The following SGCZ variants were observed in gnomAD, a reference collection of about 807,000 sequenced individuals.
The protein encoded by SGCZ is zeta-sarcoglycan.
Under a neutral mutation model 41.3 loss-of-function variants are expected in SGCZ, and 40 were observed. The observed-to-expected ratio is 0.97, with a 90% CI of 0.75 to 1.26. SGCZ has a LOEUF of 1.26. SGCZ is among the 50% of genes most tolerant of loss of function. The probability of loss-of-function intolerance (pLI) is 0.00; values close to 1 mark genes in which losing one functional copy is unlikely to be tolerated. For missense variants in SGCZ, 552 were observed against 369.8 expected (o/e 1.49, Z -4.04); for synonymous variants, 206 against 137.5 (o/e 1.50, Z -3.49).
chr8:14,612,710 A>AG (rs896844609), intron 1 of SGCZ, among the ~76,000 whole-genome samples: 1 of 151,774 alleles, frequency 6.6e-6, no homozygotes, highest in Admixed American at 6.6e-5. Context: ...TTTTTTTAAA[A>AG]GACTCTCACT....
chr8:14,387,081 T>G (rs1439496393), intron 2 of SGCZ, among the ~76,000 whole-genome samples: 1 of 152,232 alleles, frequency 6.6e-6, no homozygotes, highest in Non-Finnish European at 1.5e-5. Flanking sequence ...TGCTTTTTTA[T>G]AGAGACAGGG....
chr8:14,425,086 T>G (rs983808065), intron 2 of SGCZ, among the ~76,000 whole-genome samples: 1 of 152,144 alleles, frequency 6.6e-6, no homozygotes, highest in Non-Finnish European at 1.5e-5. Context: ...TCGTTATTTT[T>G]TTTCTAATTG....
intron 1 of SGCZ, among the ~76,000 whole-genome samples, chr8:14,873,336 TATC>T (rs1003565669): frequency 6.6e-6 from 1 of 152,138 alleles, no homozygotes; most frequent in African/African-American, 2.4e-5. Flanking sequence ...AACAGAGTAA[TATC>T]ATATTTTTTT....
chr8:15,037,580 C>T (rs944528838), intron 1 of SGCZ, among the ~76,000 whole-genome samples: 6 of 152,134 alleles, frequency 3.9e-5, no homozygotes, highest in Non-Finnish European at 8.8e-5. Flanking sequence ...AGAATGTCCA[C>T]TCTCACCACT....
chr8:14,733,863 T>G (rs1234053933), intron 1 of SGCZ, among the ~76,000 whole-genome samples: 2 of 152,180 alleles, frequency 1.3e-5, no homozygotes, highest in Non-Finnish European at 2.9e-5. Context: ...GAAACCACAT[T>G]TGTTAATCGT....
In SGCZ at chr8:14,086,384, T is replaced by A. The variant is rs942198531; in HGVS notation, c.*4059A>T. ...AGATACCATGTTTGCAATGAAATAATTTATTAGGAGTTTTATTGTATCAAA... is the reference window on the plus strand; with the variant it reads ...AGATACCATGTTTGCAATGAAATAAATTATTAGGAGTTTTATTGTATCAAA... On this transcript the variant is annotated 3_prime_UTR_variant, in exon 8 of 8. Coordinates refer to ENST00000382080, the MANE Select transcript of SGCZ (RefSeq NM_139167.4). 2.6e-5 allele frequency among the ~76,000 whole-genome samples: 4 copies of A among 151,712 alleles called. No individual in the cohort carries two copies. The highest frequency in any genetic ancestry group is 7.2e-5 in the African/African-American group (3 of 41,412).
intron 1 of SGCZ, among the ~76,000 whole-genome samples, chr8:15,007,516 T>C (rs1444102285): frequency 6.6e-6 from 1 of 152,236 alleles, no homozygotes; most frequent in South Asian, 2.1e-4. Flanking sequence ...GTGCATGTTC[T>C]GGCTTTGCCA....
At chr8:14,305,766 T>C (rs987180768) in intron 3 of SGCZ, among the ~76,000 whole-genome samples, 10 of 152,216 alleles carry the variant, frequency 6.6e-5, no homozygotes, top group African/African-American at 2.2e-4. Flanking sequence ...AATCAATTTC[T>C]TATCACTTAA....
rs113185233 is a variant in SGCZ at position 15,065,294 on chromosome 8, C to A, written c.39+172291G>T. ...TGGTATTCCTTCCTCATTGTCGAGG[C>A]AGAATTAGAAGATTCTTTCCATGTT... is the stretch of plus-strand genomic sequence containing the variant. On this transcript the variant is annotated intron_variant, in intron 1 of 7. Transcript: ENST00000382080. Among the ~76,000 whole-genome samples, 1,269 of 152,132 alleles carry A rather than the reference C, an allele frequency of 8.3e-3. 15 individuals are homozygous for A. The highest frequency in any genetic ancestry group is 0.028 in the African/African-American group (1,150 of 41,492).
chr8:15,135,379 G>T (rs993742838), intron 1 of SGCZ, among the ~76,000 whole-genome samples: 1 of 152,154 alleles, frequency 6.6e-6, no homozygotes, highest in African/African-American at 2.4e-5. Flanking sequence ...TTTGAAAAGA[G>T]AGCTACAGAA....
chr8:14,535,013 A>G (rs1334721399), intron 2 of SGCZ, among the ~76,000 whole-genome samples: 1 of 151,934 alleles, frequency 6.6e-6, no homozygotes, highest in Non-Finnish European at 1.5e-5. Flanking sequence ...TTGCTTAATC[A>G]TATTCTGTGA....
rs202006498 is a variant in SGCZ at position 14,911,181 on chromosome 8, G to T, written c.39+326404C>A. Among the ~76,000 whole-genome samples the T allele has an allele frequency of 2.0e-4, 30 of 152,144 alleles. No homozygotes were observed. In the East Asian group the frequency reaches 5.0e-3, roughly 25 times the overall value. On this transcript the variant is annotated intron_variant, in intron 1 of 7. Coordinates refer to ENST00000382080, the MANE Select transcript of SGCZ (RefSeq NM_139167.4). ...AACAGAGTAAGCAGATAATGGCTGT[G>T]GCAGGGCTGTAATTCAAATTGTCAA... is the stretch of plus-strand genomic sequence containing the variant.
chr8:14,230,143 G>A (rs961951217), intron 4 of SGCZ, among the ~76,000 whole-genome samples: 2 of 151,982 alleles, frequency 1.3e-5, no homozygotes, highest in African/African-American at 2.4e-5. Context: ...AGGAACGTAA[G>A]GACCAGTAGA....
chr8:14,627,138 C>G (rs1345871923), intron 1 of SGCZ, among the ~76,000 whole-genome samples: 1 of 152,050 alleles, frequency 6.6e-6, no homozygotes, highest in Non-Finnish European at 1.5e-5. Context: ...AATACATTTA[C>G]TAGTAAAATA....
At chr8:14,647,168 T>C (rs969788736) in intron 1 of SGCZ, among the ~76,000 whole-genome samples, 1 of 152,038 alleles carries the variant, frequency 6.6e-6, no homozygotes, top group Non-Finnish European at 1.5e-5. Flanking sequence ...AGAAAATGTT[T>C]TAGTACAGAT....
At chr8:15,137,870 G>A (rs1808172877) in intron 1 of SGCZ, among the ~76,000 whole-genome samples, 1 of 152,210 alleles carries the variant, frequency 6.6e-6, no homozygotes, top group Non-Finnish European at 1.5e-5. Flanking sequence ...CCCCACTGGG[G>A]CACTGCCTAA....
intron 2 of SGCZ, among the ~76,000 whole-genome samples, chr8:14,441,571 C>A (rs917292687): frequency 9.2e-5 from 14 of 152,158 alleles, no homozygotes; most frequent in Non-Finnish European, 1.5e-4. Flanking sequence ...AAGACCCCAT[C>A]TCAAAAATAA....
chr8:14,391,439 T>C (rs919044900), intron 2 of SGCZ, among the ~76,000 whole-genome samples: 2 of 152,156 alleles, frequency 1.3e-5, no homozygotes, highest in Non-Finnish European at 2.9e-5. Flanking sequence ...AGAGATTCCA[T>C]ATGTATCAAA....
chr8:14,956,784 C>T (rs1800807196), intron 1 of SGCZ, among the ~76,000 whole-genome samples: 1 of 151,886 alleles, frequency 6.6e-6, no homozygotes, highest in African/African-American at 2.4e-5. Flanking sequence ...ACTAGAATGC[C>T]CAGGTTATTT....
Sources: gnomAD v4.1 joint callset for allele counts (sites outside exome capture counted in the v4.1 genomes callset) on GRCh38, gnomAD v4.1.1 for gene constraint, MANE v1.5 for transcripts, NCBI Gene and HGNC (gene_info 2026-07-23, HGNC 2026-07-21) for gene names.